Variants in KAZN observed in about 807,000 individuals in gnomAD.
KAZN encodes kazrin.
KAZN carries 40 observed loss-of-function variants against 87.4 expected under a neutral mutation model. That is an observed-to-expected ratio of 0.46 (90% CI 0.36 to 0.60). KAZN has a LOEUF of 0.60. KAZN is among the 20% of genes least tolerant of loss of function. KAZN has a pLI of 0.00. For synonymous variants in KAZN, 466 were observed against 458.3 expected, an observed-to-expected ratio of 1.02 and a Z score of -0.22; for missense variants, 898 against 1,073.9, an observed-to-expected ratio of 0.84 and a Z score of 2.29.
intron 1 of KAZN, among the ~76,000 whole-genome samples, chr1:14,124,846 A>G (rs1163250608): frequency 6.6e-6 from 1 of 152,174 alleles, no homozygotes; most frequent in Admixed American, 6.5e-5. Flanking sequence ...GAAAGAGACA[A>G]AATCCAGCTT....
At chr1:14,487,192 A>G (rs532210140) in intron 2 of KAZN, among the ~76,000 whole-genome samples, 3 of 151,996 alleles carry the variant, frequency 2.0e-5, no homozygotes, top group South Asian at 2.1e-4. Flanking sequence ...CCCCCTCCTT[A>G]CCTCCTGTTT....
chr1:14,228,822 C>G (rs553747), intron 2 of KAZN, among the ~76,000 whole-genome samples: 141,477 of 152,272 alleles, frequency 0.93, 65,778 homozygotes, highest in East Asian at 1. Flanking sequence ...CCTACTCATT[C>G]TTGGCCAGCC....
At position 14,599,870 on chromosome 1, in the gene KAZN, G is replaced by A. The variant is rs1200314260; in HGVS notation, c.226+647G>A. ...CCAGGGGGATACTGTAGACCTCAAA[G>A]GTTGAGCGGTAGAGAAATGAAGGCT... On this transcript the variant is annotated intron_variant, in intron 1 of 14. Coordinates refer to ENST00000376030, the MANE Select transcript of KAZN (RefSeq NM_201628.3). The surrounding 1 kb of genome is among the most constrained non-coding windows in gnomAD (Gnocchi z 4.4). 6.6e-6 allele frequency among the ~76,000 whole-genome samples: 1 copy of A among 152,010 alleles called. No individual in the cohort carries two copies. Among genetic ancestry groups the A allele is most frequent in the Non-Finnish European group, 1.5e-5 (1 of 68,004 alleles).
chr1:14,781,582 A>C lies in KAZN; in HGVS notation c.227-179102A>C, dbSNP rs558250096. Among the ~76,000 whole-genome samples, 206 of 152,360 alleles carry C rather than the reference A, an allele frequency of 1.4e-3. 1 individual carries two copies. The highest frequency in any genetic ancestry group is 4.7e-3 in the African/African-American group (195 of 41,600). On this transcript the variant is annotated intron_variant, in intron 1 of 14. Coordinates refer to ENST00000376030, the MANE Select transcript of KAZN (RefSeq NM_201628.3). ...GAAGATGTTGAAAACTGAGGGGTCC[A>C]GATAGGAGGGGACCTTCTCAGTTCT...
intron 1 of KAZN, among the ~76,000 whole-genome samples, chr1:14,716,117 C>T (rs1480737872): frequency 1.3e-5 from 2 of 152,190 alleles, no homozygotes; most frequent in Admixed American, 6.5e-5. Context: ...CCAATATCCA[C>T]TACTTAAGTG....
At chr1:15,042,573 G>C (rs879540469) in intron 3 of KAZN, among the ~76,000 whole-genome samples, 1 of 152,078 alleles carries the variant, frequency 6.6e-6, no homozygotes, top group Non-Finnish European at 1.5e-5. Flanking sequence ...CCACACAAAC[G>C]CCCCAAAGTA....
At chr1:14,905,353 C>T (rs953302793) in intron 1 of KAZN, among the ~76,000 whole-genome samples, 2 of 152,152 alleles carry the variant, frequency 1.3e-5, no homozygotes, top group Non-Finnish European at 2.9e-5. Context: ...TGATCTACTG[C>T]GCCTGGACAG....
intron 2 of KAZN, among the ~76,000 whole-genome samples, chr1:14,336,290 A>G (rs1657266117): frequency 6.6e-6 from 1 of 152,204 alleles, no homozygotes; most frequent in African/African-American, 2.4e-5. Context: ...TGCAGCATGT[A>G]TTAGTACTTC....
At position 15,015,293 on chromosome 1, in the gene KAZN, C is replaced by T. The variant is rs936643521; in HGVS notation, c.419-19456C>T. Among the ~76,000 whole-genome samples, 8 of 152,118 alleles carry T rather than the reference C, an allele frequency of 5.3e-5. No individual in the cohort carries two copies. In the East Asian group the frequency reaches 1.2e-3, roughly 22 times the overall value. ...TCAGCCTCCTGGGTAGCTGGGATTA[C>T]AGGCGCCCGCCACCACACCCAGCTA... On this transcript the variant is annotated intron_variant, in intron 2 of 14. Transcript: ENST00000376030.
At chr1:14,905,097 C>T (rs956490615) in intron 1 of KAZN, among the ~76,000 whole-genome samples, 6 of 152,152 alleles carry the variant, frequency 3.9e-5, no homozygotes, top group Non-Finnish European at 5.9e-5. Context: ...CTCGCTCCTT[C>T]GCCCAGGCTG....
chr1:14,680,332 T>C (rs541451669), intron 1 of KAZN, among the ~76,000 whole-genome samples: 7 of 152,126 alleles, frequency 4.6e-5, no homozygotes, highest in African/African-American at 1.4e-4. Context: ...CTCCCCCTAC[T>C]CCTGCAGCTA....
At chr1:14,482,699 T>A (rs995066550) in intron 2 of KAZN, among the ~76,000 whole-genome samples, 4 of 152,018 alleles carry the variant, frequency 2.6e-5, no homozygotes, top group African/African-American at 9.7e-5. Flanking sequence ...GAGTTCCCTG[T>A]GGTAGAGATT....
At chr1:14,180,334 C>T in intron 1 of KAZN, 1 of 1,022,306 alleles carries the variant, frequency 9.8e-7, no homozygotes, top group Non-Finnish European at 1.4e-6. Context: ...TGGCTTAGAC[C>T]TTGTATGTAC....
At chr1:14,725,802 T>C (rs1643353397) in intron 1 of KAZN, among the ~76,000 whole-genome samples, 1 of 152,200 alleles carries the variant, frequency 6.6e-6, no homozygotes, top group South Asian at 2.1e-4. Context: ...ATGCAGATCC[T>C]GGTTCAATAG....
intron 2 of KAZN, among the ~76,000 whole-genome samples, chr1:14,262,816 G>A (rs1651182423): frequency 6.6e-6 from 1 of 152,188 alleles, no homozygotes; most frequent in Non-Finnish European, 1.5e-5. Context: ...AAGCCATAAT[G>A]AAATCTCCGG....
At chr1:14,730,333 C>T (rs1356871471) in intron 1 of KAZN, among the ~76,000 whole-genome samples, 6 of 152,158 alleles carry the variant, frequency 3.9e-5, no homozygotes, top group Non-Finnish European at 1.5e-5. Context: ...CCGCCCGCCT[C>T]GGCTTCCCAA....
intron 1 of KAZN, among the ~76,000 whole-genome samples, chr1:14,883,160 TG>T (rs1653520968): frequency 6.6e-6 from 1 of 151,652 alleles, no homozygotes; most frequent in South Asian, 2.1e-4. Context: ...CTGGGCGTGA[TG>T]GCACATGCCT....
intron 1 of KAZN, among the ~76,000 whole-genome samples, chr1:14,687,637 A>G (rs1482854256): frequency 6.6e-6 from 1 of 152,246 alleles, no homozygotes; most frequent in African/African-American, 2.4e-5. Context: ...AATGCCAGTC[A>G]GTGGATCTTG....
chr1:14,409,844 A>G (rs1664160607), intron 2 of KAZN, among the ~76,000 whole-genome samples: 2 of 152,212 alleles, frequency 1.3e-5, no homozygotes, highest in South Asian at 4.1e-4. Context: ...TCATAATCAT[A>G]AGCTAGACCA....
Sources: gnomAD v4.1 joint callset for allele counts (sites outside exome capture counted in the v4.1 genomes callset) on GRCh38, gnomAD v4.1.1 for gene constraint, Gnocchi (gnomAD v3.1) non-coding constraint, MANE v1.5 for transcripts, NCBI Gene and HGNC (gene_info 2026-07-23, HGNC 2026-07-21) for gene names.